Variants in NKAIN2 observed in about 807,000 individuals in gnomAD.
The protein encoded by NKAIN2 is sodium/potassium-transporting ATPase subunit beta-1-interacting protein 2.
In NKAIN2, 14 loss-of-function variants were observed where a neutral mutation model predicts 32.6. That is an observed-to-expected ratio of 0.43 (90% CI 0.28 to 0.67). The LOEUF (loss-of-function observed/expected upper bound fraction) is 0.67. Ranked by LOEUF, NKAIN2 falls within the 30% of genes least tolerant of loss-of-function variation. The probability of loss-of-function intolerance (pLI) is 0.17; values close to 1 mark genes in which losing one functional copy is unlikely to be tolerated. For missense variants in NKAIN2, 198 were observed against 258.3 expected, an observed-to-expected ratio of 0.77 and a Z score of 1.60; for synonymous variants, 80 against 87.2, an observed-to-expected ratio of 0.92 and a Z score of 0.46.
Position 123,997,271 on chromosome 6 carries a change from G to C in NKAIN2, c.54+193017G>C, listed in dbSNP as rs1252352486. On this transcript the variant is annotated intron_variant, in intron 1 of 6. Coordinates refer to ENST00000368417, the MANE Select transcript of NKAIN2 (RefSeq NM_001040214.3). ...AAGCAATTTCTCTTGCAATATTCTG[G>C]TGACTGTTCTCTATAAACATGGCCA... Among the ~76,000 whole-genome samples the C allele has an allele frequency of 2.6e-5, 4 of 152,204 alleles. No individual in the cohort carries two copies. The East Asian group carries it at 7.7e-4, about 29-fold the overall frequency.
chr6:123,857,324 G>C (rs1196020812), intron 1 of NKAIN2, among the ~76,000 whole-genome samples: 1 of 151,352 alleles, frequency 6.6e-6, no homozygotes, highest in Non-Finnish European at 1.5e-5. Context: ...TTTTCAATGT[G>C]TATATTATTT....
chr6:124,396,227 G>A lies in NKAIN2; in HGVS notation c.273+40880G>A, dbSNP rs573003729. Among the ~76,000 whole-genome samples, 3 of 151,796 alleles carry A rather than the reference G, an allele frequency of 2.0e-5. No individual in the cohort carries two copies. The South Asian group carries it at 6.3e-4, about 32-fold the overall frequency. ...TACATGGTAAGATGCCATGGGCATCGCAAGATTTAATAATATTTAATAATT... is the reference window on the plus strand; with the variant it reads ...TACATGGTAAGATGCCATGGGCATCACAAGATTTAATAATATTTAATAATT... On this transcript the variant is annotated intron_variant, in intron 3 of 6. Coordinates refer to ENST00000368417, the MANE Select transcript of NKAIN2 (RefSeq NM_001040214.3).
At chr6:124,806,565 A>C (rs1352089545) in intron 5 of NKAIN2, among the ~76,000 whole-genome samples, 1 of 152,152 alleles carries the variant, frequency 6.6e-6, no homozygotes, top group Non-Finnish European at 1.5e-5. Flanking sequence ...CGAGACTAGG[A>C]AGAAACTGCA....
chr6:124,410,443 G>A (rs1265057322), intron 3 of NKAIN2, among the ~76,000 whole-genome samples: 4 of 152,052 alleles, frequency 2.6e-5, no homozygotes, highest in Non-Finnish European at 5.9e-5. Context: ...CCTTCATTTC[G>A]TTATGTACCC....
intron 1 of NKAIN2, among the ~76,000 whole-genome samples, chr6:124,127,749 C>T (rs77896267): frequency 2.1e-3 from 323 of 152,228 alleles, no homozygotes; most frequent in Admixed American, 3.6e-3. Context: ...GTTCAGTTTA[C>T]ATTTCCGCCA....
At position 124,158,745 on chromosome 6, in the gene NKAIN2, C is replaced by A. The variant is rs151147321; in HGVS notation, c.55-124260C>A. ...AGACATCCAGTTAGACAAAACAAAA[C>A]TTAATTTCACTCTGCATTTATAGTC... On this transcript the variant is annotated intron_variant, in intron 1 of 6. Coordinates refer to ENST00000368417, the MANE Select transcript of NKAIN2 (RefSeq NM_001040214.3). 2.4e-3 allele frequency among the ~76,000 whole-genome samples: 361 copies of A among 152,298 alleles called. 1 individual carries two copies. The highest frequency in any genetic ancestry group is 7.9e-3 in the African/African-American group (328 of 41,564).
chr6:124,654,516 AAGAG>A (rs760742696), intron 3 of NKAIN2, among the ~76,000 whole-genome samples: 10 of 152,124 alleles, frequency 6.6e-5, no homozygotes, highest in South Asian at 2.1e-4. Context: ...TAAAATAAAA[AAGAG>A]AGAGAGAAAT....
At chr6:123,904,066 A>G (rs569365354) in intron 1 of NKAIN2, among the ~76,000 whole-genome samples, 16 of 152,164 alleles carry the variant, frequency 1.1e-4, no homozygotes, top group African/African-American at 3.6e-4. Context: ...CGTCTCTACT[A>G]AAAATACAAA....
intron 3 of NKAIN2, among the ~76,000 whole-genome samples, chr6:124,518,790 CT>C (rs1186574279): frequency 6.6e-6 from 1 of 152,176 alleles, no homozygotes; most frequent in Admixed American, 6.5e-5. Context: ...CTTTCTGCCA[CT>C]GATCGTTTTG....
At chr6:124,411,941 T>A (rs1241521456) in intron 3 of NKAIN2, among the ~76,000 whole-genome samples, 1 of 152,236 alleles carries the variant, frequency 6.6e-6, no homozygotes. Context: ...TTGTCTTCCA[T>A]CGCTGATACC....
intron 1 of NKAIN2, among the ~76,000 whole-genome samples, chr6:123,950,464 T>C (rs542976820): frequency 6.6e-6 from 1 of 151,988 alleles, no homozygotes; most frequent in South Asian, 2.1e-4. Context: ...TTTTTATTAC[T>C]GACAGTCTAA....
intron 1 of NKAIN2, among the ~76,000 whole-genome samples, chr6:123,980,116 G>A (rs1778820225): frequency 6.6e-6 from 1 of 152,144 alleles, no homozygotes; most frequent in Non-Finnish European, 1.5e-5. Context: ...CCTTGGGGAT[G>A]CCTTTATAAT....
chr6:124,675,106 C>T (rs1202158658), intron 4 of NKAIN2, among the ~76,000 whole-genome samples: 1 of 151,820 alleles, frequency 6.6e-6, no homozygotes, highest in African/African-American at 2.4e-5. Context: ...TTTCTGCATC[C>T]ATTGATCTGA....
At chr6:124,808,908 G>A (rs909410611) in intron 5 of NKAIN2, among the ~76,000 whole-genome samples, 6 of 152,112 alleles carry the variant, frequency 3.9e-5, no homozygotes, top group East Asian at 1.9e-4. Context: ...TAAAATACCT[G>A]GGAATCTACC....
chr6:124,444,937 CA>C (rs1278795574), intron 3 of NKAIN2, among the ~76,000 whole-genome samples: 1 of 150,892 alleles, frequency 6.6e-6, no homozygotes, highest in East Asian at 2.0e-4. Flanking sequence ...TATTTGGAAG[CA>C]AAAAAATGGA....
intron 3 of NKAIN2, among the ~76,000 whole-genome samples, chr6:124,619,310 T>G (rs1783023961): frequency 6.6e-6 from 1 of 152,200 alleles, no homozygotes; most frequent in African/African-American, 2.4e-5. Flanking sequence ...TCTATGATCC[T>G]TGGAGGCCAA....
chr6:124,783,292 A>G (rs1034126001), intron 4 of NKAIN2, among the ~76,000 whole-genome samples: 12 of 152,312 alleles, frequency 7.9e-5, no homozygotes, highest in Admixed American at 3.9e-4. Context: ...AGACTATTTC[A>G]TAACAGGAAT....
intron 1 of NKAIN2, among the ~76,000 whole-genome samples, chr6:124,004,583 C>A (rs957129158): frequency 6.6e-6 from 1 of 151,732 alleles, no homozygotes; most frequent in Non-Finnish European, 1.5e-5. Flanking sequence ...TTTCATCCAA[C>A]CATCATTCTC....
intron 1 of NKAIN2, among the ~76,000 whole-genome samples, chr6:123,864,810 A>G (rs907202892): frequency 6.6e-5 from 10 of 152,210 alleles, no homozygotes; most frequent in African/African-American, 1.9e-4. Flanking sequence ...CTCTAAAGCT[A>G]AAAAGTGTGC....
Sources: gnomAD v4.1 joint callset for allele counts (sites outside exome capture counted in the v4.1 genomes callset) on GRCh38, gnomAD v4.1.1 for gene constraint, MANE v1.5 for transcripts, NCBI Gene and HGNC (gene_info 2026-07-23, HGNC 2026-07-21) for gene names.